Variants in RIMS1 observed in about 807,000 individuals in gnomAD.
RIMS1 encodes regulating synaptic membrane exocytosis 1, also known as regulating synaptic membrane exocytosis protein 1.
In RIMS1, 83 loss-of-function variants were observed where a neutral mutation model predicts 214.1. The observed-to-expected ratio is 0.39, with a 90% CI of 0.32 to 0.47. The LOEUF (loss-of-function observed/expected upper bound fraction) is 0.47, where lower values mean the gene tolerates loss of function less well. Among genes scored for constraint, RIMS1 ranks in the 20% least tolerant of loss-of-function variants. The pLI is 0.99. For missense variants in RIMS1, 2,050 were observed against 2,161.8 expected (o/e 0.95, Z 1.03); for synonymous variants, 793 against 786.8 (o/e 1.01, Z -0.13).
At chr6:72,007,816 G>C (rs1808417387) in intron 2 of RIMS1, among the ~76,000 whole-genome samples, 1 of 152,142 alleles carries the variant, frequency 6.6e-6, no homozygotes, top group South Asian at 2.1e-4. Flanking sequence ...AGAAATACGG[G>C]ACTATGTGAA....
At chr6:72,271,281 AAAAAAATAT>A (rs1359782800) in intron 22 of RIMS1, among the ~76,000 whole-genome samples, 55 of 68,370 alleles carry the variant, frequency 8.0e-4, no homozygotes, top group East Asian at 7.8e-3. Flanking sequence ...AAAAAAAAAA[AAAAAAATAT>A]ATATATATAT....
At chr6:72,077,266 C>T (rs1438954167) in intron 2 of RIMS1, among the ~76,000 whole-genome samples, 3 of 152,200 alleles carry the variant, frequency 2.0e-5, no homozygotes, top group Non-Finnish European at 4.4e-5. Context: ...GTCTTCCTAG[C>T]TATTAAAGCT....
At chr6:72,278,691 A>G (rs2088173169) in intron 23 of RIMS1, among the ~76,000 whole-genome samples, 1 of 152,106 alleles carries the variant, frequency 6.6e-6, no homozygotes, top group Non-Finnish European at 1.5e-5. Flanking sequence ...TGTATCCATG[A>G]ACTAAAATAT....
chr6:72,328,446 TAAA>T (rs748990501), intron 28 of RIMS1, among the ~76,000 whole-genome samples: 1 of 151,468 alleles, frequency 6.6e-6, no homozygotes, highest in African/African-American at 2.4e-5. Flanking sequence ...TAAAGTGTAA[TAAA>T]AAAAGAACTC....
At chr6:71,949,143 C>T (rs936915990) in intron 1 of RIMS1, among the ~76,000 whole-genome samples, 1 of 152,070 alleles carries the variant, frequency 6.6e-6, no homozygotes, top group Non-Finnish European at 1.5e-5. Context: ...TTATGCCTTT[C>T]AATGCAATAT....
intron 1 of RIMS1, among the ~76,000 whole-genome samples, chr6:71,945,801 G>T (rs1176470842): frequency 6.7e-6 from 1 of 150,178 alleles, no homozygotes; most frequent in Non-Finnish European, 1.5e-5. Context: ...CCAGGCTGGA[G>T]TGCAGTGGCA....
intron 2 of RIMS1, among the ~76,000 whole-genome samples, chr6:72,023,635 T>G (rs1815415760): frequency 6.6e-6 from 1 of 152,066 alleles, no homozygotes; most frequent in South Asian, 2.1e-4. Flanking sequence ...TTTGTAAGTT[T>G]TTTTTCATTC....
At chr6:72,193,618 C>G (rs1035541965) in intron 6 of RIMS1, among the ~76,000 whole-genome samples, 2 of 152,162 alleles carry the variant, frequency 1.3e-5, no homozygotes, top group Admixed American at 6.5e-5. Flanking sequence ...ATGATAATCT[C>G]CAGCACCTTG....
chr6:72,366,679 T>A (rs1158794), intron 29 of RIMS1: 728,774 of 983,126 alleles, frequency 0.74, 272,026 homozygotes, highest in African/African-American at 0.96. Flanking sequence ...AAGGAGAGAG[T>A]GTCGGAGGGT....
chr6:72,117,555 A>G (rs2037335611), intron 4 of RIMS1, among the ~76,000 whole-genome samples: 1 of 152,046 alleles, frequency 6.6e-6, no homozygotes, highest in South Asian at 2.1e-4. Flanking sequence ...ATTTAAGAAA[A>G]TTGAAATCAT....
At chr6:72,334,213 T>G (rs9358997) in intron 29 of RIMS1, among the ~76,000 whole-genome samples, 1 of 152,010 alleles carries the variant, frequency 6.6e-6, no homozygotes, top group East Asian at 1.9e-4. Flanking sequence ...ATATCTATAC[T>G]TTTTATAGAA....
chr6:72,093,347 T>C (rs1315574266), intron 2 of RIMS1, among the ~76,000 whole-genome samples: 1 of 151,674 alleles, frequency 6.6e-6, no homozygotes, highest in East Asian at 1.9e-4. Context: ...ATATGTTATA[T>C]GCAATTAAGT....
At chr6:72,311,105 C>T (rs1444967485) in intron 27 of RIMS1, among the ~76,000 whole-genome samples, 1 of 152,004 alleles carries the variant, frequency 6.6e-6, no homozygotes, top group Non-Finnish European at 1.5e-5. Context: ...TTAATATTGT[C>T]AAATATCAAA....
rs779022263 is a variant in RIMS1 at position 72,156,513 on chromosome 6, TTGAG to T, written c.472-23060_472-23057del. 2.9e-4 allele frequency among the ~76,000 whole-genome samples: 41 copies of T among 140,174 alleles called. 8 individuals carry two copies. The highest frequency in any genetic ancestry group is 5.4e-4 in the Non-Finnish European group (33 of 61,628). The allele number at this position is 140,174 out of a possible 152,430, so 92.0% of individuals were successfully genotyped here. ...AGAAGTAGGTAAAAGGGTACTACCT[TTGAG>T]TTATGATCAATAGGTCTGGATGCCT... On this transcript the variant is annotated intron_variant, in intron 4 of 33. Coordinates refer to ENST00000521978, the MANE Select transcript of RIMS1 (RefSeq NM_014989.7).
intron 2 of RIMS1, among the ~76,000 whole-genome samples, chr6:72,032,526 A>G (rs1303613405): frequency 6.6e-6 from 1 of 152,160 alleles, no homozygotes; most frequent in African/African-American, 2.4e-5. Context: ...ATATTTATTC[A>G]TGAGGGTTTG....
At chr6:72,216,742 G>A in intron 6 of RIMS1, 1 of 986,180 alleles carries the variant, frequency 1.0e-6, no homozygotes, top group Non-Finnish European at 1.2e-6. Flanking sequence ...CTGAACATTT[G>A]CCTGAGTCTT....
chr6:72,375,431 T>A (rs923873049), intron 29 of RIMS1, among the ~76,000 whole-genome samples: 1 of 152,152 alleles, frequency 6.6e-6, no homozygotes, highest in Non-Finnish European at 1.5e-5. Flanking sequence ...ACTTTTTTTT[T>A]AAGTTTTCAT....
rs59174738 is a variant in RIMS1 at position 71,995,451 on chromosome 6, CGTGTGT to C, written c.245+26415_245+26420del. 6.2e-3 allele frequency among the ~76,000 whole-genome samples: 898 copies of C among 144,498 alleles called. 6 individuals carry two copies. Among genetic ancestry groups the C allele is most frequent in the African/African-American group, 0.021 (823 of 39,082 alleles). 94.8% of individuals were successfully genotyped at this position (144,498 alleles called of 152,430 possible). A position where few individuals can be genotyped will look rare whatever the true frequency, so the allele number is the denominator to read the frequency against. Reference sequence around the variant, plus strand: ...CTGATTATTTTAATCTGTAATATGACGTGTGTGTGTGTGTGTGTGTGTGTGTGTGTG... The same window carrying C: ...CTGATTATTTTAATCTGTAATATGACGTGTGTGTGTGTGTGTGTGTGTGTG... On this transcript the variant is annotated intron_variant, in intron 2 of 33. Transcript: ENST00000521978.
intron 1 of RIMS1, among the ~76,000 whole-genome samples, chr6:71,957,931 A>G (rs760876507): frequency 2.0e-5 from 3 of 152,112 alleles, no homozygotes; most frequent in Non-Finnish European, 2.9e-5. Context: ...AGGAAATAAA[A>G]TGGTTTAGTA....
Sources: gnomAD v4.1 joint callset for allele counts (sites outside exome capture counted in the v4.1 genomes callset) on GRCh38, gnomAD v4.1.1 for gene constraint, MANE v1.5 for transcripts, NCBI Gene and HGNC (gene_info 2026-07-23, HGNC 2026-07-21) for gene names.